LYPD1: variants seen among roughly 807,000 people sequenced by gnomAD.
LYPD1 encodes the protein ly6/PLAUR domain-containing protein 1.
Under a neutral mutation model 14.2 loss-of-function variants are expected in LYPD1, and 14 were observed. The ratio of observed to expected loss-of-function variants is 0.99; its 90% CI spans 0.65 to 1.54. LYPD1 has a LOEUF of 1.54. Among genes scored for constraint, LYPD1 ranks in the 40% most tolerant of loss-of-function variants. LYPD1 has a pLI of 0.00. For synonymous variants in LYPD1, 85 were observed against 70.6 expected (o/e 1.20, Z -1.02); for missense variants, 165 against 175.7 (o/e 0.94, Z 0.34).
chr2:132,645,991 TTGGGGGCGAGGGC>T lies in LYPD1; in HGVS notation c.*41_*53del, dbSNP rs1682050111. 6 of 1,345,968 alleles carry T rather than the reference TTGGGGGCGAGGGC, an allele frequency of 4.5e-6. No homozygotes were observed. Among genetic ancestry groups the T allele is most frequent in the Non-Finnish European group, 6.0e-6 (6 of 996,238 alleles). The allele number at this position is 1,345,968 out of a possible 1,614,324, so 83.4% of individuals were successfully genotyped here. A position where few individuals can be genotyped will look rare whatever the true frequency, so the allele number is the denominator to read the frequency against. ...GAAACTCACTCAGGGAGGTGGGGGG[TTGGGGGCGAGGGC>T]TGGAAGAACAATGCAGGAGGGGGTG... is the stretch of plus-strand genomic sequence containing the variant. On this transcript the variant is annotated 3_prime_UTR_variant, in exon 3 of 3. Coordinates refer to ENST00000397463, the MANE Select transcript of LYPD1 (RefSeq NM_144586.7).
upstream of LYPD1, chr2:132,670,345 C>T: frequency 4.5e-6 from 1 of 223,746 alleles, no homozygotes; most frequent in Non-Finnish European, 8.8e-6. This position sits in a 1 kb window ranked among gnomAD's most constrained non-coding sequence, Gnocchi z 4.5. Flanking sequence ...CATCCCCACC[C>T]CCTTCCTGTC....
At chr2:132,655,572 T>A (rs1267821372) in intron 2 of LYPD1, among the ~76,000 whole-genome samples, 1 of 136,672 alleles carries the variant, frequency 7.3e-6, no homozygotes, top group Non-Finnish European at 1.5e-5. Context: ...TGGAGTGCAG[T>A]GGCGCCATCT....
chr2:132,651,959 C>G (rs528060436), intron 2 of LYPD1, among the ~76,000 whole-genome samples: 21 of 152,248 alleles, frequency 1.4e-4, no homozygotes, highest in Admixed American at 4.6e-4. Context: ...CACCACGGTT[C>G]GGCACAACTG....
At chr2:132,650,882 G>T (rs562916433) in intron 2 of LYPD1, among the ~76,000 whole-genome samples, 2 of 152,272 alleles carry the variant, frequency 1.3e-5, no homozygotes, top group South Asian at 2.1e-4. Context: ...CAAAAATAGG[G>T]TAGGTAATTT....
chr2:132,670,291 T>G, upstream of LYPD1: 3 of 290,278 alleles, frequency 1.0e-5, no homozygotes, highest in Non-Finnish European at 1.9e-5. The surrounding 1 kb of genome is among the most constrained non-coding windows in gnomAD (Gnocchi z 4.5). Context: ...GCTGCCGAGT[T>G]GGGGTGGGGG....
intron 2 of LYPD1, among the ~76,000 whole-genome samples, chr2:132,652,807 G>T (rs372922161): frequency 3.9e-5 from 6 of 152,154 alleles, no homozygotes; most frequent in African/African-American, 1.4e-4. Context: ...GGATTGAGAT[G>T]GGTGGCTATG....
Position 132,645,691 on chromosome 2 carries a change from C to A in LYPD1, c.*354G>T. 6.6e-7 allele frequency: 1 copy of A among 1,508,908 alleles called. No individual in the cohort carries two copies. 93.5% of individuals were successfully genotyped at this position (1,508,908 alleles called of 1,614,324 possible). On this transcript the variant is annotated 3_prime_UTR_variant, in exon 3 of 3. Transcript: ENST00000397463. Reference sequence around the variant, plus strand: ...CTCACTCTGCAGTCTCAAACTATGCCCCCATCAGGGATGGAATGGACACTG... The same window carrying A: ...CTCACTCTGCAGTCTCAAACTATGCACCCATCAGGGATGGAATGGACACTG...
chr2:132,645,361 C>T lies in LYPD1; in HGVS notation c.*684G>A, dbSNP rs749553280. 18 of 1,613,904 alleles carry T rather than the reference C, an allele frequency of 1.1e-5. No homozygotes were observed. In the Middle Eastern group the frequency reaches 4.9e-4, roughly 44 times the overall value. Reference sequence around the variant, plus strand: ...GCTGCAGCACGCCAACCACGAGAAGCGCCTGCGCGTACATGCGCACTCCAC... The same window carrying T: ...GCTGCAGCACGCCAACCACGAGAAGTGCCTGCGCGTACATGCGCACTCCAC... On this transcript the variant is annotated 3_prime_UTR_variant, in exon 3 of 3. Transcript: ENST00000397463.
intron 2 of LYPD1, among the ~76,000 whole-genome samples, chr2:132,666,339 G>T (rs1478717203): frequency 6.6e-6 from 1 of 152,150 alleles, no homozygotes; most frequent in East Asian, 1.9e-4. Flanking sequence ...AAACAGATCC[G>T]TTTGGCTTGT....
chr2:132,658,585 C>G (rs148272761), intron 2 of LYPD1, among the ~76,000 whole-genome samples: 11 of 152,232 alleles, frequency 7.2e-5, no homozygotes, highest in Non-Finnish European at 1.6e-4. Context: ...AGAATACAAG[C>G]AATTAGTTGA....
chr2:132,669,961 G>T lies in LYPD1; in HGVS notation c.-29C>A. On this transcript the variant is annotated 5_prime_UTR_variant, in exon 1 of 3. Transcript: ENST00000397463. This position sits in a 1 kb window ranked among gnomAD's most constrained non-coding sequence, Gnocchi z 4.3. ...CCCGGAGTCCCGGGGCCGGGAGAGGGCAAGCGCATCAGAGGAGGCGACAGC... is the reference window on the plus strand; with the variant it reads ...CCCGGAGTCCCGGGGCCGGGAGAGGTCAAGCGCATCAGAGGAGGCGACAGC... 6.2e-7 allele frequency: 1 copy of T among 1,610,166 alleles called. No individual in the cohort carries two copies. The highest frequency in any genetic ancestry group is 8.5e-7 in the Non-Finnish European group (1 of 1,179,102).
intron 2 of LYPD1, 137 bp from the exon 3 acceptor site, chr2:132,646,417 T>C (rs1254921822): frequency 2.2e-6 from 1 of 457,930 alleles, no homozygotes; most frequent in African/African-American, 2.0e-5. Context: ...AGGGAAGTGC[T>C]TCGGATTGTC....
chr2:132,647,084 A>G (rs1682137810), intron 2 of LYPD1, among the ~76,000 whole-genome samples: 1 of 152,212 alleles, frequency 6.6e-6, no homozygotes, highest in African/African-American at 2.4e-5. Context: ...AATTCAAATA[A>G]TACTAGCTAA....
In LYPD1 at chr2:132,644,742, CAAAA is replaced by C. The variant is rs759163909; in HGVS notation, c.*1299_*1302del. 56 of 223,514 alleles carry C rather than the reference CAAAA, an allele frequency of 2.5e-4. No individual in the cohort carries two copies. The highest frequency in any genetic ancestry group is 3.9e-4 in the Non-Finnish European group (44 of 114,260). 13.8% of individuals were successfully genotyped at this position (223,514 alleles called of 1,614,324 possible). A position where few individuals can be genotyped will look rare whatever the true frequency, so the allele number is the denominator to read the frequency against. ...TATGTATACATCTTTTTCTTTAAAA[CAAAA>C]AAAGACAAAACCAGATTTATGGATA... On this transcript the variant is annotated 3_prime_UTR_variant, in exon 3 of 3. Coordinates refer to ENST00000397463, the MANE Select transcript of LYPD1 (RefSeq NM_144586.7).
intron 2 of LYPD1, among the ~76,000 whole-genome samples, chr2:132,655,615 C>T (rs1034932866): frequency 1.7e-4 from 25 of 149,218 alleles, no homozygotes; most frequent in Non-Finnish European, 2.5e-4. Context: ...CCTGGGTTCA[C>T]GCCATTCTCC....
intron 2 of LYPD1, among the ~76,000 whole-genome samples, chr2:132,651,698 A>G (rs1682367554): frequency 6.6e-6 from 1 of 152,242 alleles, no homozygotes; most frequent in Admixed American, 6.5e-5. Context: ...TCTCAATGAC[A>G]GTTCCAGAAT....
Position 132,670,196 on chromosome 2 carries a change from A to G in LYPD1, c.-264T>C. The G allele has an allele frequency of 4.2e-6, 5 of 1,183,666 alleles. No individual in the cohort carries two copies. The highest frequency in any genetic ancestry group is 5.5e-6 in the Non-Finnish European group (5 of 914,076). 73.3% of individuals were successfully genotyped at this position (1,183,666 alleles called of 1,614,324 possible). A position where few individuals can be genotyped will look rare whatever the true frequency, so the allele number is the denominator to read the frequency against. On this transcript the variant is annotated 5_prime_UTR_variant, in exon 1 of 3. Transcript: ENST00000397463. The surrounding 1 kb of genome is among the most constrained non-coding windows in gnomAD (Gnocchi z 4.5). ...ACCGCGCCTCCGGAGTTGGCGGCTG[A>G]GACTGAAGGAACTACTGGCGATCGG...
chr2:132,645,897 A>ATTAT lies in LYPD1; in HGVS notation c.*144_*147dup. 1.5e-6 allele frequency: 1 copy of ATTAT among 678,166 alleles called. No homozygotes were observed. The highest frequency in any genetic ancestry group is 2.4e-6 in the Non-Finnish European group (1 of 411,472). 42.0% of individuals were successfully genotyped at this position (678,166 alleles called of 1,614,324 possible). ...TCAGAATGCTTTACCGAGCTCTTTC[A>ATTAT]TTATTTGCACAGGAACAAAAGAGAA... On this transcript the variant is annotated 3_prime_UTR_variant, in exon 3 of 3. Transcript: ENST00000397463.
Position 132,669,434 on chromosome 2 carries a change from C to A in LYPD1, c.52+447G>T, listed in dbSNP as rs1683500337. Among the ~76,000 whole-genome samples the A allele has an allele frequency of 6.6e-6, 1 of 152,148 alleles. No individual in the cohort carries two copies. Among genetic ancestry groups the A allele is most frequent in the South Asian group, 2.1e-4 (1 of 4,828 alleles). On this transcript the variant is annotated intron_variant, in intron 1 of 2. Coordinates refer to ENST00000397463, the MANE Select transcript of LYPD1 (RefSeq NM_144586.7). The surrounding 1 kb of genome is among the most constrained non-coding windows in gnomAD (Gnocchi z 4.3). ...CACGCTCCCGCAGCCCCACATCTAT[C>A]GCACTCTGAGCGCAGCAACCCAGCT...
Sources: allele counts gnomAD v4.1 joint callset (sites outside exome capture counted in the v4.1 genomes callset), GRCh38; gene constraint gnomAD v4.1.1; non-coding constraint Gnocchi (gnomAD v3.1); transcripts MANE v1.5; gene names NCBI Gene and HGNC (gene_info 2026-07-23, HGNC 2026-07-21).